ZFP64: variants seen among roughly 807,000 people sequenced by gnomAD.
ZFP64 encodes zinc finger protein 64.
A neutral mutation model predicts 51.6 loss-of-function variants in ZFP64; 14 were observed. That is an observed-to-expected ratio of 0.27 (90% CI 0.18 to 0.42). The LOEUF (loss-of-function observed/expected upper bound fraction) is 0.42, where lower values mean the gene tolerates loss of function less well. Ranked by LOEUF, ZFP64 falls within the 10% of genes least tolerant of loss-of-function variation. ZFP64 has a pLI of 1.00. For synonymous variants in ZFP64, 375 were observed against 361.4 expected (o/e 1.04, Z -0.43); for missense variants, 754 against 906.8 (o/e 0.83, Z 2.16).
In ZFP64 at chr20:52,160,028, C is replaced by T. The variant is rs1252330506; in HGVS notation, c.763+95G>A. On this transcript the variant is annotated intron_variant, in intron 5 of 5. Coordinates refer to ENST00000216923, the MANE Select transcript of ZFP64 (RefSeq NM_018197.3). This position sits in a 1 kb window ranked among gnomAD's most constrained non-coding sequence, Gnocchi z 4.2. Reference sequence around the variant, plus strand: ...AACGGGATGAGCAAAGGTTCCAACTCGATTTCTTACATTGTGGCTGAATGC... The same window carrying T: ...AACGGGATGAGCAAAGGTTCCAACTTGATTTCTTACATTGTGGCTGAATGC... 1.6e-5 allele frequency: 25 copies of T among 1,568,540 alleles called. No homozygotes were observed. Among genetic ancestry groups the T allele is most frequent in the South Asian group, 2.3e-5 (2 of 85,812 alleles).
intron 5 of ZFP64, chr20:52,117,606 G>A (rs569614263): frequency 2.4e-5 from 11 of 455,678 alleles, no homozygotes; most frequent in African/African-American, 1.0e-4. Flanking sequence ...GCGACAGAGC[G>A]AAACTCTGTC....
downstream of ZFP64, among the ~76,000 whole-genome samples, chr20:52,149,793 A>G (rs1366534877): frequency 6.6e-6 from 1 of 152,244 alleles, no homozygotes; most frequent in East Asian, 1.9e-4. Context: ...TATATATGGA[A>G]GGCAGCTGGT....
chr20:52,167,563 T>TC (rs1174541866), intron 2 of ZFP64, among the ~76,000 whole-genome samples: 4 of 124,472 alleles, frequency 3.2e-5, no homozygotes, highest in Non-Finnish European at 4.9e-5. Flanking sequence ...TCCCCTTCCC[T>TC]CCCTCCCTTC....
chr20:52,084,455 G>T, exon 9 of ZFP64: 1 of 1,207,444 alleles, frequency 8.3e-7, no homozygotes, highest in Non-Finnish European at 1.1e-6. Flanking sequence ...GCCAGCCCCA[G>T]AAGTGGTGCC....
At chr20:52,139,857 T>C (rs1386245143) in intron 5 of ZFP64, among the ~76,000 whole-genome samples, 1 of 151,334 alleles carries the variant, frequency 6.6e-6, no homozygotes, top group Non-Finnish European at 1.5e-5. Flanking sequence ...TGTTTTTTTT[T>C]TTTTTTTTAC....
chr20:52,115,078 G>A (rs911557219), intron 5 of ZFP64, among the ~76,000 whole-genome samples: 7 of 151,736 alleles, frequency 4.6e-5, no homozygotes, highest in Admixed American at 2.6e-4. Flanking sequence ...GGTGGTGGGC[G>A]CCTGTAGTCC....
intron 3 of ZFP64, chr20:52,165,336 T>A (rs1419102733): frequency 6.6e-6 from 3 of 456,062 alleles, no homozygotes; most frequent in South Asian, 4.7e-5. Flanking sequence ...TATTTAGGAA[T>A]AAAGGGGCAT....
intron 5 of ZFP64, among the ~76,000 whole-genome samples, chr20:52,102,281 G>A (rs936657076): frequency 5.3e-5 from 8 of 152,170 alleles, no homozygotes; most frequent in East Asian, 3.9e-4. Context: ...TTGCCTAGAA[G>A]GCTACTTAAA....
chr20:52,146,866 A>AAAGAT (rs558477790), downstream of ZFP64, among the ~76,000 whole-genome samples: 12 of 152,316 alleles, frequency 7.9e-5, no homozygotes, highest in South Asian at 2.5e-3. Context: ...TAGAAAACGA[A>AAAGAT]ATCCAGCAGT....
rs1369290186 is a variant in ZFP64, at chr20:52,108,040, A to G, written c.764-9453T>C. 3.3e-5 allele frequency among the ~76,000 whole-genome samples: 5 copies of G among 152,336 alleles called. No homozygotes were observed. The East Asian group carries it at 9.6e-4, about 29-fold the overall frequency. On this transcript the variant is annotated intron_variant, in intron 5 of 8. Coordinates refer to the ZFP64 transcript ENST00000361387. ...CAGGAGTTTGAGACCAGCCTGGGCG[A>G]CATGGCAAAACTCTGTTTCTACAAA...
At chr20:52,097,143 T>G (rs1274488912) in intron 7 of ZFP64, 2 of 777,568 alleles carry the variant, frequency 2.6e-6, no homozygotes, top group Non-Finnish European at 4.8e-6. Context: ...AGAAGCCACC[T>G]TATTGCTCTA....
chr20:52,172,186 G>GGT (rs375662082), intron 2 of ZFP64, among the ~76,000 whole-genome samples: 7 of 150,912 alleles, frequency 4.6e-5, no homozygotes, highest in Admixed American at 1.3e-4. Context: ...CATTGCCAGG[G>GGT]GTGTGTGTGT....
intron 5 of ZFP64, among the ~76,000 whole-genome samples, chr20:52,107,029 T>G (rs1600713699): frequency 1.3e-5 from 2 of 151,942 alleles, no homozygotes; most frequent in African/African-American, 4.8e-5. Flanking sequence ...ACCCGGGAGG[T>G]GGAGCCGAGA....
chr20:52,138,188 C>T (rs1430497153), intron 5 of ZFP64, among the ~76,000 whole-genome samples: 1 of 151,772 alleles, frequency 6.6e-6, no homozygotes, highest in Non-Finnish European at 1.5e-5. Flanking sequence ...GCCTGGGAGA[C>T]AGAGACCCTA....
At chr20:52,157,334 A>T (rs1981399553) in intron 5 of ZFP64, among the ~76,000 whole-genome samples, 1 of 152,244 alleles carries the variant, frequency 6.6e-6, no homozygotes, top group Non-Finnish European at 1.5e-5. Context: ...ATATGGATAC[A>T]TAGGAAACTC....
At chr20:52,137,387 T>C (rs948369298) in intron 5 of ZFP64, among the ~76,000 whole-genome samples, 2 of 151,996 alleles carry the variant, frequency 1.3e-5, no homozygotes, top group African/African-American at 4.8e-5. Context: ...CAGATTGGGA[T>C]CCAACTTTTC....
chr20:52,126,773 G>A (rs553315223), intron 5 of ZFP64, among the ~76,000 whole-genome samples: 90 of 152,170 alleles, frequency 5.9e-4, no homozygotes, highest in African/African-American at 1.9e-3. Flanking sequence ...TTTATGCACC[G>A]TCTCCTGTGA....
intron 4 of ZFP64, among the ~76,000 whole-genome samples, chr20:52,162,855 A>G (rs1035374438): frequency 6.6e-6 from 1 of 151,956 alleles, no homozygotes; most frequent in Non-Finnish European, 1.5e-5. Context: ...CCAAACCCCA[A>G]CTCCAGGGGT....
downstream of ZFP64, among the ~76,000 whole-genome samples, chr20:52,150,579 C>A (rs1980744390): frequency 6.6e-6 from 1 of 152,154 alleles, no homozygotes; most frequent in African/African-American, 2.4e-5. Context: ...TCACTATTAT[C>A]ATTGATGATA....
Sources: gnomAD v4.1 joint callset for allele counts (sites outside exome capture counted in the v4.1 genomes callset) on GRCh38, gnomAD v4.1.1 for gene constraint, Gnocchi (gnomAD v3.1) non-coding constraint, MANE v1.5 for transcripts, NCBI Gene and HGNC (gene_info 2026-07-23, HGNC 2026-07-21) for gene names.